The following CCDC146 variants were observed in gnomAD, a reference collection of about 807,000 sequenced individuals.
The protein encoded by CCDC146 is coiled-coil domain containing 146.
A neutral mutation model predicts 119.3 loss-of-function variants in CCDC146; 92 were observed. The ratio of observed to expected loss-of-function variants is 0.77; its 90% confidence interval spans 0.65 to 0.92. The LOEUF (loss-of-function observed/expected upper bound fraction) is 0.92, where lower values mean the gene tolerates loss of function less well. Ranked by LOEUF, CCDC146 falls within the 40% of genes least tolerant of loss-of-function variation. The probability of loss-of-function intolerance (pLI) is 0.00; values close to 1 mark genes in which losing one functional copy is unlikely to be tolerated. For missense variants in CCDC146, 1,000 were observed against 1,103.0 expected (o/e 0.91, Z 1.32); for synonymous variants, 372 against 371.8 (o/e 1.00, Z -0.01).
chr7:77,148,946 C>G (rs1224120287), intron 1 of CCDC146, among the ~76,000 whole-genome samples: 1 of 152,146 alleles, frequency 6.6e-6, no homozygotes, highest in East Asian at 1.9e-4. Flanking sequence ...ATCAAGCTAC[C>G]ATTGACTTTC....
At chr7:77,126,408 G>T (rs556650809) in intron 1 of CCDC146, among the ~76,000 whole-genome samples, 1 of 152,016 alleles carries the variant, frequency 6.6e-6, no homozygotes, top group Admixed American at 6.5e-5. Flanking sequence ...AATGAGGTAC[G>T]CAGACAAGTG....
intron 2 of CCDC146, among the ~76,000 whole-genome samples, chr7:77,168,568 C>G (rs1372968481): frequency 1.3e-5 from 2 of 151,816 alleles, no homozygotes; most frequent in Admixed American, 6.6e-5. Context: ...AACCAAGAAG[C>G]AAAACCAAAT....
At chr7:77,180,418 G>A (rs1791568959) in intron 2 of CCDC146, among the ~76,000 whole-genome samples, 1 of 152,158 alleles carries the variant, frequency 6.6e-6, no homozygotes, top group Non-Finnish European at 1.5e-5. Flanking sequence ...CTTGCTTTAA[G>A]ACCAGGTATG....
chr7:77,265,985 A>G (rs1253729382), intron 9 of CCDC146, among the ~76,000 whole-genome samples: 1 of 152,180 alleles, frequency 6.6e-6, no homozygotes, highest in African/African-American at 2.4e-5. Context: ...TACTTAACCA[A>G]AGACATCATA....
At position 77,235,775 on chromosome 7, in the gene CCDC146, T is replaced by C. The variant is rs148217322; in HGVS notation, c.157-1172T>C. Reference sequence around the variant, plus strand: ...GGAAGAGGAAAGTGGATGAATTCAATAAGCACTTTAGAGGTAAGGGCCAGG... The same window carrying C: ...GGAAGAGGAAAGTGGATGAATTCAACAAGCACTTTAGAGGTAAGGGCCAGG... On this transcript the variant is annotated intron_variant, in intron 2 of 18. Coordinates refer to ENST00000285871, the MANE Select transcript of CCDC146 (RefSeq NM_020879.3). Among the ~76,000 whole-genome samples, 48 of 152,246 alleles carry C rather than the reference T, an allele frequency of 3.2e-4. 1 individual carries two copies. In the East Asian group the frequency reaches 8.5e-3, roughly 27 times the overall value.
intron 9 of CCDC146, among the ~76,000 whole-genome samples, chr7:77,265,717 G>C (rs1344135848): frequency 6.6e-6 from 1 of 152,278 alleles, no homozygotes; most frequent in Non-Finnish European, 1.5e-5. Flanking sequence ...TGCTATACCA[G>C]CCAGAAAGAA....
In CCDC146 at chr7:77,287,499, G is replaced by A. The variant is rs2150554053; in HGVS notation, c.2337G>A (p.Glu779=). The part of the protein sequence containing the change: ...EKLLEKDFIY[E]QVSRLTDRLC... ...TGCTGGAGAAGGATTTCATCTATGA[G>A]CAGGTCTCCAGGCTCACAGACAGGC... The change falls in exon 17 of 19, where the codon GAG becomes GAA. Residue 779 remains glutamate, a synonymous_variant. Coordinates refer to ENST00000285871, the MANE Select transcript of CCDC146 (RefSeq NM_020879.3). The A allele has an allele frequency of 1.9e-6, 3 of 1,614,088 alleles. No individual in the cohort carries two copies. The highest frequency in any genetic ancestry group is 2.5e-6 in the Non-Finnish European group (3 of 1,179,978).
At chr7:77,140,870 G>T (rs1011874901) in intron 1 of CCDC146, among the ~76,000 whole-genome samples, 2 of 151,928 alleles carry the variant, frequency 1.3e-5, no homozygotes, top group Non-Finnish European at 2.9e-5. Context: ...TATATTGATT[G>T]ATATATATTG....
At chr7:77,282,818 C>A in intron 15 of CCDC146, 33 bp downstream of exon 15, 1 of 1,475,270 alleles carries the variant, frequency 6.8e-7, no homozygotes, top group Non-Finnish European at 9.4e-7. Context: ...CTTCCTCAGA[C>A]CATTTATTTT....
chr7:77,241,989 T>G, intron 4 of CCDC146, 89 bp downstream of exon 4: 2 of 963,086 alleles, frequency 2.1e-6, no homozygotes, highest in South Asian at 1.5e-5. Flanking sequence ...ATTGAAGGAG[T>G]AGGAGATAGC....
chr7:77,194,168 A>G (rs1419527165), intron 2 of CCDC146: 1 of 152,084 alleles, frequency 6.6e-6, no homozygotes, highest in Non-Finnish European at 1.5e-5. Context: ...AAATTAATGG[A>G]CACCGTGTAT....
At chr7:77,292,340 G>A (rs1226394756) in intron 17 of CCDC146, among the ~76,000 whole-genome samples, 2 of 146,898 alleles carry the variant, frequency 1.4e-5, no homozygotes, top group African/African-American at 2.5e-5. Context: ...CCCTGGCCAG[G>A]CGCGGTGGCT....
chr7:77,286,226 AG>A (rs1333616477), intron 15 of CCDC146, among the ~76,000 whole-genome samples: 1 of 152,188 alleles, frequency 6.6e-6, no homozygotes, highest in Non-Finnish European at 1.5e-5. Flanking sequence ...ATGGCGAGAG[AG>A]GAAGCAAGAG....
At chr7:77,231,945 T>A (rs755882134) in intron 2 of CCDC146, among the ~76,000 whole-genome samples, 1 of 152,092 alleles carries the variant, frequency 6.6e-6, no homozygotes, top group Non-Finnish European at 1.5e-5. Flanking sequence ...AGGTCATATA[T>A]TGTAACAACT....
rs1033881646 is a variant in CCDC146 at position 77,144,283 on chromosome 7, C to G, written c.-12+21551C>G. ...ATTGATTTTGTATCCTGAGATTTTG[C>G]TGAAGTTGCTTATCAGCTTAAGGAG... On this transcript the variant is annotated intron_variant, in intron 1 of 18. Coordinates refer to ENST00000285871, the MANE Select transcript of CCDC146 (RefSeq NM_020879.3). Among the ~76,000 whole-genome samples, 282 of 151,796 alleles carry G rather than the reference C, an allele frequency of 1.9e-3. 1 individual carries two copies. Among genetic ancestry groups the G allele is most frequent in the Admixed American group, 3.7e-3 (57 of 15,244 alleles).
intron 1 of CCDC146, among the ~76,000 whole-genome samples, chr7:77,124,327 A>G (rs1049949026): frequency 6.6e-6 from 1 of 152,242 alleles, no homozygotes; most frequent in African/African-American, 2.4e-5. Context: ...AGTTATAGAC[A>G]CTTAAAAACA....
At chr7:77,198,367 C>T in intron 2 of CCDC146, 1 of 965,478 alleles carries the variant, frequency 1.0e-6, no homozygotes, top group Non-Finnish European at 1.2e-6. Flanking sequence ...ATGAGACAGT[C>T]AGCAACAGTG....
chr7:77,282,252 T>C (rs1793777489), intron 14 of CCDC146: 1 of 273,294 alleles, frequency 3.7e-6, no homozygotes, highest in Non-Finnish European at 6.9e-6. Context: ...TGGGATCACT[T>C]TGTTTGTGCA....
intron 2 of CCDC146, among the ~76,000 whole-genome samples, chr7:77,202,727 G>A (rs570953201): frequency 3.3e-5 from 5 of 152,286 alleles, no homozygotes; most frequent in Non-Finnish European, 7.4e-5. Context: ...AGAGAGTGTT[G>A]TACCGCCTCT....
Sources: allele counts gnomAD v4.1 joint callset (sites outside exome capture counted in the v4.1 genomes callset), GRCh38; gene constraint gnomAD v4.1.1; transcripts MANE v1.5; gene names NCBI Gene and HGNC (gene_info 2026-07-23, HGNC 2026-07-21).